FAT3: variants seen among roughly 807,000 people sequenced by gnomAD.
FAT3 encodes FAT atypical cadherin 3, also known as protocadherin Fat 3.
A neutral mutation model predicts 310.2 loss-of-function variants in FAT3; 95 were observed. That is an observed-to-expected ratio of 0.31 (90% CI 0.26 to 0.36). FAT3 has a LOEUF of 0.36. Ranked by LOEUF, FAT3 falls within the 10% of genes least tolerant of loss-of-function variation. FAT3 has a pLI of 1.00. For missense variants in FAT3, 5,408 were observed against 5,715.6 expected (o/e 0.95, Z 1.74); for synonymous variants, 2,314 against 2,192.9 (o/e 1.06, Z -1.54).
At chr11:92,839,063 T>C (rs1948474393) in intron 17 of FAT3, among the ~76,000 whole-genome samples, 1 of 152,218 alleles carries the variant, frequency 6.6e-6, no homozygotes, top group East Asian at 1.9e-4. Context: ...ACAAGGGTGC[T>C]CTCTGCCCTC....
intron 4 of FAT3, among the ~76,000 whole-genome samples, chr11:92,726,550 A>T (rs1418243640): frequency 1.3e-5 from 2 of 152,264 alleles, no homozygotes; most frequent in Middle Eastern, 3.4e-3. Flanking sequence ...TTTAAATGAC[A>T]TTCAGAAGAT....
intron 1 of FAT3, among the ~76,000 whole-genome samples, chr11:92,319,878 T>A (rs1315290771): frequency 2.6e-5 from 4 of 152,156 alleles, no homozygotes; most frequent in Non-Finnish European, 5.9e-5. Context: ...ATGTTAATAG[T>A]TATGGGAGAG....
At chr11:92,251,370 G>C (rs891768863) in intron 1 of FAT3, among the ~76,000 whole-genome samples, 4 of 152,078 alleles carry the variant, frequency 2.6e-5, no homozygotes, top group African/African-American at 9.7e-5. Context: ...GTTATATATA[G>C]TGCATCCAAT....
At chr11:92,366,907 C>T (rs995019263) in intron 2 of FAT3, 14 of 532,946 alleles carry the variant, frequency 2.6e-5, no homozygotes, top group Non-Finnish European at 4.5e-5. Flanking sequence ...AGGTGCACCT[C>T]CAGATCTTTA....
intron 4 of FAT3, chr11:92,749,098 A>G (rs1366400812): frequency 6.6e-6 from 1 of 152,162 alleles, no homozygotes; most frequent in Admixed American, 6.5e-5. Context: ...GTTTCTTTCA[A>G]CCTTTTTACT....
At position 92,860,466 on chromosome 11, in the gene FAT3, G is replaced by A. The variant is rs115763698; in HGVS notation, c.11658+1144G>A. Among the ~76,000 whole-genome samples the A allele has an allele frequency of 5.4e-3, 816 of 152,298 alleles. 7 individuals carry two copies. The highest frequency in any genetic ancestry group is 0.019 in the African/African-American group (772 of 41,552). ...CCAGATTCAGCCTTCTAGTATGGAG[G>A]AGAGAAGGCAGGAGAAGGAGGGAGA... On this transcript the variant is annotated intron_variant, in intron 21 of 27. Transcript: ENST00000525166.
chr11:92,730,411 A>G (rs1206044549), intron 4 of FAT3, among the ~76,000 whole-genome samples: 1 of 152,202 alleles, frequency 6.6e-6, no homozygotes, highest in Non-Finnish European at 1.5e-5. Flanking sequence ...AGTTTTATGT[A>G]CATTATCACA....
Position 92,629,520 on chromosome 11 carries a change from C to G in FAT3, c.3608-67864C>G, listed in dbSNP as rs541001539. Among the ~76,000 whole-genome samples, 5 of 151,964 alleles carry G rather than the reference C, an allele frequency of 3.3e-5. No homozygotes were observed. In the East Asian group the frequency reaches 9.7e-4, roughly 30 times the overall value. ...TCCTGGGCTCAAGCAATCCTCCTGCCTCGCCTCAGCCTTCCAAGTAGCTAG... is the reference window on the plus strand; with the variant it reads ...TCCTGGGCTCAAGCAATCCTCCTGCGTCGCCTCAGCCTTCCAAGTAGCTAG... On this transcript the variant is annotated intron_variant, in intron 3 of 27. Coordinates refer to ENST00000525166, the MANE Select transcript of FAT3 (RefSeq NM_001367949.2).
intron 2 of FAT3, among the ~76,000 whole-genome samples, chr11:92,372,414 C>A (rs1370784152): frequency 6.6e-6 from 1 of 150,994 alleles, no homozygotes; most frequent in Non-Finnish European, 1.5e-5. Flanking sequence ...AATTGTAATG[C>A]ACTTTGGAAA....
At chr11:92,648,869 A>G (rs907135768) in intron 3 of FAT3, among the ~76,000 whole-genome samples, 7 of 152,168 alleles carry the variant, frequency 4.6e-5, no homozygotes, top group African/African-American at 1.7e-4. Flanking sequence ...GCTGTCCAGA[A>G]ACGAGTATGG....
intron 2 of FAT3, among the ~76,000 whole-genome samples, chr11:92,374,021 CAGAGAGAGGG>C (rs1288172978): frequency 4.7e-5 from 5 of 106,302 alleles, no homozygotes; most frequent in African/African-American, 2.0e-4. Context: ...GACTCTCAGA[CAGAGAGAGGG>C]AGAGAGAGAG....
At chr11:92,594,432 A>T (rs1591497281) in intron 3 of FAT3, among the ~76,000 whole-genome samples, 2 of 152,168 alleles carry the variant, frequency 1.3e-5, no homozygotes, top group East Asian at 3.8e-4. Flanking sequence ...ACAGAGTGAG[A>T]CTGCATCTCA....
intron 2 of FAT3, among the ~76,000 whole-genome samples, chr11:92,468,328 A>G (rs568269389): frequency 6.6e-6 from 1 of 152,362 alleles, no homozygotes; most frequent in South Asian, 2.1e-4. Context: ...ACATTTTCAT[A>G]TAATAAAATG....
At chr11:92,781,918 T>C (rs2136135236) in intron 7 of FAT3, among the ~76,000 whole-genome samples, 1 of 152,316 alleles carries the variant, frequency 6.6e-6, no homozygotes, top group African/African-American at 2.4e-5. Flanking sequence ...GACAGCCATG[T>C]CCAAATTATA....
intron 3 of FAT3, among the ~76,000 whole-genome samples, chr11:92,580,541 T>C (rs778334888): frequency 1.5e-4 from 23 of 152,112 alleles, no homozygotes; most frequent in Non-Finnish European, 3.1e-4. Context: ...GCTGATGTTT[T>C]GGTTCTCTGT....
chr11:92,649,803 G>C (rs982750844), intron 3 of FAT3, among the ~76,000 whole-genome samples: 2 of 141,522 alleles, frequency 1.4e-5, no homozygotes, highest in Non-Finnish European at 3.1e-5. Context: ...AATCATAAGT[G>C]AATCCTCCTT....
At position 92,880,773 on chromosome 11, in the gene FAT3, G is replaced by A. The variant is rs2136397782; in HGVS notation, c.12170G>A (p.Cys4057Tyr). Residue 4057 changes from cysteine to tyrosine, a missense_variant, in exon 23 of 28, where the codon TGT becomes TAT. Transcript: ENST00000525166. ...CTCTCACAGTTTACGGGGAGAAACT[G>A]TGAATCTGAGATTACAGCCTGCTTC... ...TCLSQFTGRN[C>Y]ESEITACFPN... 6.2e-7 allele frequency: 1 copy of A among 1,613,952 alleles called. No individual in the cohort carries two copies. The highest frequency in any genetic ancestry group is 8.5e-7 in the Non-Finnish European group (1 of 1,179,874).
intron 9 of FAT3, among the ~76,000 whole-genome samples, chr11:92,796,827 C>T (rs75276190): frequency 0.039 from 5,904 of 152,258 alleles, 272 homozygotes; most frequent in East Asian, 0.21. Flanking sequence ...TCTGTTATTT[C>T]TCTCATTCTC....
chr11:92,625,753 TG>T (rs1419809953), intron 3 of FAT3, among the ~76,000 whole-genome samples: 42 of 142,626 alleles, frequency 2.9e-4, no homozygotes, highest in African/African-American at 9.6e-4. Flanking sequence ...TTTTTTTTTT[TG>T]AACAGGATAG....
Sources: gnomAD v4.1 joint callset for allele counts (sites outside exome capture counted in the v4.1 genomes callset) on GRCh38, gnomAD v4.1.1 for gene constraint, MANE v1.5 for transcripts, NCBI Gene and HGNC (gene_info 2026-07-23, HGNC 2026-07-21) for gene names.